Variants in CACNB2 observed in about 807,000 individuals in gnomAD.
The protein encoded by CACNB2 is calcium voltage-gated channel auxiliary subunit beta 2, also known as voltage-dependent L-type calcium channel subunit beta-2.
A neutral mutation model predicts 73.3 loss-of-function variants in CACNB2; 42 were observed. That is an observed-to-expected ratio of 0.57 (90% CI 0.45 to 0.74). CACNB2 has a LOEUF of 0.74. CACNB2 is among the 30% of genes least tolerant of loss of function. The probability of loss-of-function intolerance (pLI) is 0.00; values close to 1 mark genes in which losing one functional copy is unlikely to be tolerated. For synonymous variants in CACNB2, 348 were observed against 310.3 expected (o/e 1.12, Z -1.28); for missense variants, 940 against 853.0 (o/e 1.10, Z -1.27).
intron 2 of CACNB2, among the ~76,000 whole-genome samples, chr10:18,277,217 G>A (rs983090388): frequency 2.6e-4 from 39 of 152,224 alleles, no homozygotes; most frequent in African/African-American, 8.9e-4. Context: ...GCATGGAAAA[G>A]GGAAAGAGTC....
At chr10:18,197,051 T>A (rs1412085278) in intron 2 of CACNB2, among the ~76,000 whole-genome samples, 1 of 152,014 alleles carries the variant, frequency 6.6e-6, no homozygotes, top group Non-Finnish European at 1.5e-5. Flanking sequence ...TCATTCTCTC[T>A]CTTCACTCCC....
At chr10:18,512,994 A>G (rs2050911761) in intron 6 of CACNB2, 1 of 200,932 alleles carries the variant, frequency 5.0e-6, no homozygotes, top group African/African-American at 2.3e-5. Flanking sequence ...TTTTCGCTGC[A>G]TCTCATCGAT....
chr10:18,168,977 C>T (rs186359103), intron 2 of CACNB2, among the ~76,000 whole-genome samples: 1 of 152,146 alleles, frequency 6.6e-6, no homozygotes, highest in East Asian at 1.9e-4. Context: ...ATTTTTAAAA[C>T]AACTGTTTTC....
rs140074895 is a variant in CACNB2, at chr10:18,439,553, A to C, written c.333+37510A>C. Among the ~76,000 whole-genome samples the C allele has an allele frequency of 1.2e-3, 177 of 152,284 alleles. 1 individual carries two copies. In the East Asian group the frequency reaches 0.031, roughly 27 times the overall value. The stretch of plus-strand genomic sequence containing the variant: ...AAGGTACAATTTGAAACCTTCTCCA[A>C]GTATTCTGAATTGCTTTCCTCTGGA... On this transcript the variant is annotated intron_variant, in intron 3 of 13. Transcript: ENST00000324631.
At chr10:18,496,112 G>A (rs1411911239) in intron 3 of CACNB2, among the ~76,000 whole-genome samples, 3 of 148,218 alleles carry the variant, frequency 2.0e-5, no homozygotes, top group African/African-American at 7.6e-5. Context: ...CTTGAACCTG[G>A]AAGGCAGAGG....
intron 2 of CACNB2, among the ~76,000 whole-genome samples, chr10:18,399,066 T>A (rs1398023356): frequency 6.6e-6 from 1 of 152,150 alleles, no homozygotes; most frequent in Middle Eastern, 3.2e-3. Context: ...TTTATGTACT[T>A]CCTGTCATTG....
intron 2 of CACNB2, among the ~76,000 whole-genome samples, chr10:18,394,780 A>C (rs2043640921): frequency 6.6e-6 from 1 of 152,236 alleles, no homozygotes; most frequent in Non-Finnish European, 1.5e-5. Context: ...CATTAATAAG[A>C]TGTATTATTA....
At position 18,540,091 on chromosome 10, in the gene CACNB2, A is replaced by C. The variant is rs1426416447; in HGVS notation, c.*367A>C. The C allele has an allele frequency of 2.0e-5, 4 of 197,674 alleles. No individual in the cohort carries two copies. Among genetic ancestry groups the C allele is most frequent in the Admixed American group, 1.1e-4 (2 of 18,862 alleles). The allele number at this position is 197,674 out of a possible 1,614,324, so 12.2% of individuals were successfully genotyped here. On this transcript the variant is annotated 3_prime_UTR_variant, in exon 14 of 14. Coordinates refer to ENST00000324631, the MANE Select transcript of CACNB2 (RefSeq NM_201596.3). ...AGAATCAGCACAGATAAAAAGTGGA[A>C]TTTCTTGTTTCTCCAGATTTTTAAT... is the stretch of plus-strand genomic sequence containing the variant.
intron 11 of CACNB2, among the ~76,000 whole-genome samples, chr10:18,535,314 T>A (rs1330133183): frequency 6.6e-6 from 1 of 152,176 alleles, no homozygotes; most frequent in Non-Finnish European, 1.5e-5. Flanking sequence ...TTTCTCCTTT[T>A]CTCAATTACA....
chr10:18,312,676 T>A (rs2040007195), intron 2 of CACNB2, among the ~76,000 whole-genome samples: 1 of 152,210 alleles, frequency 6.6e-6, no homozygotes, highest in Non-Finnish European at 1.5e-5. Flanking sequence ...TCTGTCTTCA[T>A]ACACTGAATT....
chr10:18,463,713 G>C (rs72787908), intron 3 of CACNB2, among the ~76,000 whole-genome samples: 5,044 of 152,068 alleles, frequency 0.033, 142 homozygotes, highest in Middle Eastern at 0.061. Flanking sequence ...TTAGAGGTGG[G>C]AGCCACCGTG....
At chr10:18,221,888 C>G (rs561438528) in intron 2 of CACNB2, among the ~76,000 whole-genome samples, 1 of 152,192 alleles carries the variant, frequency 6.6e-6, no homozygotes, top group Non-Finnish European at 1.5e-5. Context: ...TGCAGTGTTT[C>G]CTTTTGGAAA....
intron 3 of CACNB2, among the ~76,000 whole-genome samples, chr10:18,485,569 T>A (rs1338414445): frequency 6.7e-6 from 1 of 150,078 alleles, no homozygotes; most frequent in African/African-American, 2.5e-5. Flanking sequence ...TTTTTTTTTT[T>A]TTTTTTTTCT....
At chr10:18,500,707 T>G in intron 4 of CACNB2, 105 bp from the exon 5 acceptor site, 1 of 1,121,054 alleles carries the variant, frequency 8.9e-7, no homozygotes, top group East Asian at 2.4e-5. Flanking sequence ...ATTTAAGGCA[T>G]AGTTAATGGT....
intron 2 of CACNB2, among the ~76,000 whole-genome samples, chr10:18,156,185 G>C (rs1041868716): frequency 5.3e-5 from 8 of 152,154 alleles, no homozygotes; most frequent in African/African-American, 1.9e-4. Flanking sequence ...GTTTAGTTAG[G>C]TAACGAACCT....
chr10:18,336,629 A>T lies in CACNB2; in HGVS notation c.214-65295A>T, dbSNP rs200715748. 1.0e-4 allele frequency among the ~76,000 whole-genome samples: 3 copies of T among 30,080 alleles called. No homozygotes were observed. In the African/African-American group the frequency reaches 1.0e-3, roughly 10 times the overall value. The allele number at this position is 30,080 out of a possible 152,430, so 19.7% of individuals were successfully genotyped here. On this transcript the variant is annotated intron_variant, in intron 2 of 13. Transcript: ENST00000324631. ...GAGAGAGACTCCATCTCAAAAAAAG[A>T]AAAAAAAAAAGATGACTTAGGGGAT...
rs565321668 is a variant in CACNB2 at position 18,259,730 on chromosome 10, CAGA to C, written c.213+108757_213+108759del. Among the ~76,000 whole-genome samples, 302 of 112,558 alleles carry C rather than the reference CAGA, an allele frequency of 2.7e-3. 3 individuals are homozygous for C. The highest frequency in any genetic ancestry group is 0.013 in the Middle Eastern group (3 of 224). 73.8% of individuals were successfully genotyped at this position (112,558 alleles called of 152,430 possible). ...TGGGTGACAGAGTGAGACTCTGTCT[CAGA>C]AAAAAAAAAAAAAAAAAAAATTAAG... On this transcript the variant is annotated intron_variant, in intron 2 of 13. Transcript: ENST00000324631.
chr10:18,227,394 CAA>C (rs1302537815), intron 2 of CACNB2, among the ~76,000 whole-genome samples: 2 of 147,482 alleles, frequency 1.4e-5, no homozygotes, highest in Non-Finnish European at 3.1e-5. Flanking sequence ...GGTATGCAGT[CAA>C]AGAGAGATAG....
intron 2 of CACNB2, among the ~76,000 whole-genome samples, chr10:18,182,766 G>A (rs1588640913): frequency 6.6e-6 from 1 of 150,424 alleles, no homozygotes; most frequent in Non-Finnish European, 1.5e-5. Flanking sequence ...AGGTTGCAGT[G>A]AGCCAAGATC....
Sources: gnomAD v4.1 joint callset for allele counts (sites outside exome capture counted in the v4.1 genomes callset) on GRCh38, gnomAD v4.1.1 for gene constraint, MANE v1.5 for transcripts, NCBI Gene and HGNC (gene_info 2026-07-23, HGNC 2026-07-21) for gene names.